The following NDUFAF2 variants were observed in gnomAD, a reference collection of about 807,000 sequenced individuals.
The protein encoded by NDUFAF2 is NADH:ubiquinone oxidoreductase complex assembly factor 2, also known as NADH dehydrogenase [ubiquinone] 1 alpha subcomplex assembly factor 2.
A neutral mutation model predicts 22.8 loss-of-function variants in NDUFAF2; 13 were observed. The ratio of observed to expected loss-of-function variants is 0.57; its 90% CI spans 0.37 to 0.91. The LOEUF is 0.91. Ranked by LOEUF, NDUFAF2 falls within the 40% of genes least tolerant of loss-of-function variation. The pLI is 0.01. For synonymous variants in NDUFAF2, 53 were observed against 64.2 expected (o/e 0.83, Z 0.84); for missense variants, 162 against 195.2 (o/e 0.83, Z 1.01).
chr5:61,001,760 G>T (rs950227595), intron 1 of NDUFAF2, among the ~76,000 whole-genome samples: 7 of 152,082 alleles, frequency 4.6e-5, no homozygotes, highest in African/African-American at 1.7e-4. Flanking sequence ...TAACCTCAGG[G>T]TTTGGCATCT....
In NDUFAF2 at chr5:60,984,666, T is replaced by C. The variant is rs559234001; in HGVS notation, c.127+39284T>C. ...TCTATTGAGATAATGTGGTTTTTGT[T>C]GTTGGTTCTGTTTATATGCTGGATT... On this transcript the variant is annotated intron_variant, in intron 1 of 3. Transcript: ENST00000296597. Among the ~76,000 whole-genome samples, 29 of 152,282 alleles carry C rather than the reference T, an allele frequency of 1.9e-4. No homozygotes were observed. The South Asian group carries it at 4.6e-3, about 24-fold the overall frequency.
chr5:61,113,931 C>T (rs575199783), intron 3 of NDUFAF2, among the ~76,000 whole-genome samples: 14 of 151,864 alleles, frequency 9.2e-5, no homozygotes, highest in South Asian at 6.2e-4. Context: ...TATGGTATTT[C>T]TTCTTGCTAC....
intron 3 of NDUFAF2, among the ~76,000 whole-genome samples, chr5:61,126,025 A>T (rs953216317): frequency 6.6e-6 from 1 of 152,024 alleles, no homozygotes; most frequent in South Asian, 2.1e-4. Flanking sequence ...TCCATTTCTG[A>T]GGGAAGGTGT....
intron 1 of NDUFAF2, among the ~76,000 whole-genome samples, chr5:60,991,576 C>T (rs945712218): frequency 1.3e-5 from 2 of 152,246 alleles, no homozygotes; most frequent in Middle Eastern, 6.8e-3. Flanking sequence ...CTGTGTCTGG[C>T]TTATTTCACT....
intron 2 of NDUFAF2, among the ~76,000 whole-genome samples, chr5:61,084,160 A>G (rs1240774758): frequency 6.6e-6 from 1 of 151,482 alleles, no homozygotes; most frequent in Non-Finnish European, 1.5e-5. Flanking sequence ...GTTGCTGGGC[A>G]TTTTTATCAT....
At chr5:61,060,809 G>C (rs986707575) in intron 1 of NDUFAF2, among the ~76,000 whole-genome samples, 1 of 152,114 alleles carries the variant, frequency 6.6e-6, no homozygotes, top group Non-Finnish European at 1.5e-5. Flanking sequence ...TATGCTTGTG[G>C]GTTACAGCTC....
chr5:60,974,304 A>C (rs1369048792), intron 1 of NDUFAF2, among the ~76,000 whole-genome samples: 3 of 152,162 alleles, frequency 2.0e-5, no homozygotes, highest in African/African-American at 7.2e-5. Context: ...TCTTGGACTT[A>C]CACCAGTGGT....
At chr5:61,080,011 A>G (rs1752422332) in intron 2 of NDUFAF2, among the ~76,000 whole-genome samples, 2 of 151,968 alleles carry the variant, frequency 1.3e-5, no homozygotes, top group Non-Finnish European at 2.9e-5. Context: ...TTGTTGTTTT[A>G]TGTAATTTGT....
chr5:61,001,974 A>G (rs966551404), intron 1 of NDUFAF2, among the ~76,000 whole-genome samples: 8 of 152,106 alleles, frequency 5.3e-5, no homozygotes, highest in Non-Finnish European at 1.0e-4. Flanking sequence ...GTTGAGAAAG[A>G]GAGGAAAGGG....
chr5:61,093,016 G>A (rs1752587962), intron 2 of NDUFAF2, among the ~76,000 whole-genome samples: 2 of 152,176 alleles, frequency 1.3e-5, no homozygotes, highest in Non-Finnish European at 2.9e-5. Flanking sequence ...GAAGGCCCAA[G>A]AGTCCCTGGC....
At chr5:61,025,604 A>G (rs1751640046) in intron 1 of NDUFAF2, among the ~76,000 whole-genome samples, 1 of 152,048 alleles carries the variant, frequency 6.6e-6, no homozygotes, top group Non-Finnish European at 1.5e-5. Context: ...ATTAAGAGGA[A>G]TGCCTGCTCT....
chr5:60,947,593 C>G (rs1310040714), intron 1 of NDUFAF2, among the ~76,000 whole-genome samples: 8 of 151,854 alleles, frequency 5.3e-5, no homozygotes, highest in Non-Finnish European at 8.8e-5. Context: ...TGGTGAAACC[C>G]CATCTCTACT....
intron 1 of NDUFAF2, among the ~76,000 whole-genome samples, chr5:60,955,827 T>C (rs1378508229): frequency 6.6e-6 from 1 of 152,172 alleles, no homozygotes; most frequent in Non-Finnish European, 1.5e-5. Flanking sequence ...ACTTTATTGA[T>C]GTTATTGTAA....
intron 1 of NDUFAF2, among the ~76,000 whole-genome samples, chr5:61,054,556 A>G (rs994154958): frequency 6.6e-6 from 1 of 152,232 alleles, no homozygotes; most frequent in Non-Finnish European, 1.5e-5. Context: ...TCTCAGTAGC[A>G]TTCAGTAACG....
At chr5:61,140,115 T>A (rs1741028282) in intron 3 of NDUFAF2, among the ~76,000 whole-genome samples, 1 of 152,248 alleles carries the variant, frequency 6.6e-6, no homozygotes, top group Non-Finnish European at 1.5e-5. Context: ...GTGGGCTGTC[T>A]CCTGCAGCAG....
chr5:61,107,214 G>T (rs1422228275), intron 3 of NDUFAF2, among the ~76,000 whole-genome samples: 1 of 151,034 alleles, frequency 6.6e-6, no homozygotes, highest in East Asian at 1.9e-4. Context: ...AGTGTACAAG[G>T]GTTCCCTTTT....
At chr5:61,018,957 C>CA (rs1375961969) in intron 1 of NDUFAF2, among the ~76,000 whole-genome samples, 3 of 152,084 alleles carry the variant, frequency 2.0e-5, no homozygotes, top group South Asian at 2.1e-4. Flanking sequence ...TATGCACACA[C>CA]AAAAAATAAG....
At chr5:60,997,536 G>C (rs1159750622) in intron 1 of NDUFAF2, among the ~76,000 whole-genome samples, 1 of 152,132 alleles carries the variant, frequency 6.6e-6, no homozygotes, top group Non-Finnish European at 1.5e-5. Context: ...AGCTCTCTTT[G>C]TATAACATAC....
At chr5:61,122,928 T>C (rs1454768812) in intron 3 of NDUFAF2, among the ~76,000 whole-genome samples, 1 of 152,124 alleles carries the variant, frequency 6.6e-6, no homozygotes, top group African/African-American at 2.4e-5. Flanking sequence ...GGGAATCAAC[T>C]TGGAAGTGTG....
Sources: gnomAD v4.1 joint callset for allele counts (sites outside exome capture counted in the v4.1 genomes callset) on GRCh38, gnomAD v4.1.1 for gene constraint, MANE v1.5 for transcripts, NCBI Gene and HGNC (gene_info 2026-07-23, HGNC 2026-07-21) for gene names.